Variants in CATSPERD observed in about 807,000 individuals in gnomAD.
CATSPERD encodes cation channel sperm-associated auxiliary subunit delta.
A neutral mutation model predicts 98.1 loss-of-function variants in CATSPERD; 86 were observed. The observed-to-expected ratio is 0.88, with a 90% CI of 0.74 to 1.05. CATSPERD has a LOEUF of 1.05. Among genes scored for constraint, CATSPERD ranks in the 50% least tolerant of loss-of-function variants. The pLI, the probability that CATSPERD is intolerant of heterozygous loss-of-function variation, is 0.00. For missense variants in CATSPERD, 995 were observed against 1,005.7 expected, an observed-to-expected ratio of 0.99 and a Z score of 0.14; for synonymous variants, 394 against 390.2, an observed-to-expected ratio of 1.01 and a Z score of -0.12.
chr19:5,769,293 CAA>C lies in CATSPERD; in HGVS notation c.1634+1071_1634+1072del, dbSNP rs35536683. On this transcript the variant is annotated intron_variant, in intron 18 of 21. Coordinates refer to ENST00000381624, the MANE Select transcript of CATSPERD (RefSeq NM_152784.4). ...GAGACCAGCCTGGGCAACCTAGAGA[CAA>C]AAAAAAAAAAAAAAAAAAAGAGGGT... Among the ~76,000 whole-genome samples, 20 of 45,070 alleles carry C rather than the reference CAA, an allele frequency of 4.4e-4. 1 individual carries two copies. The highest frequency in any genetic ancestry group is 5.1e-4 in the Non-Finnish European group (11 of 21,774). The allele number at this position is 45,070 out of a possible 152,430, so 29.6% of individuals were successfully genotyped here. A position where few individuals can be genotyped will look rare whatever the true frequency, so the allele number is the denominator to read the frequency against.
intron 8 of CATSPERD, among the ~76,000 whole-genome samples, 185 bp downstream of exon 8, chr19:5,744,695 A>T (rs2145752332): frequency 6.6e-6 from 1 of 151,408 alleles, no homozygotes. Flanking sequence ...CCACCTTTCA[A>T]CTTCAAGCAA....
chr19:5,770,964 T>C lies in CATSPERD; in HGVS notation c.1655T>C (p.Phe552Ser). Residue 552 changes from phenylalanine to serine, a missense_variant, in exon 19 of 22, where the codon TTC (phenylalanine) becomes TCC (serine). Phe to Ser is a radical substitution (Grantham distance 155). Around this residue, in one of 3 missense-constraint regions of CATSPERD, gnomAD observed 762 missense variants for 773.7 expected, o/e 0.98. Coordinates refer to ENST00000381624, the MANE Select transcript of CATSPERD (RefSeq NM_152784.4). ...TGAAGGGAATTCTACGACCCCGGCT[T>C]CCAGGGGCAGCAGTCCTCCGAGGAC... ...IIEKEFYDPGFQGQQSSEDLH... is the reference protein window; with the variant it reads ...IIEKEFYDPGSQGQQSSEDLH... The C allele has an allele frequency of 6.2e-7, 1 of 1,611,552 alleles. No individual in the cohort carries two copies. The highest frequency in any genetic ancestry group is 8.5e-7 in the Non-Finnish European group (1 of 1,179,056).
At position 5,778,660 on chromosome 19, in the gene CATSPERD, G is replaced by A. The variant is rs2056776367; in HGVS notation, c.2381G>A (p.Gly794Asp). 2 of 1,612,874 alleles carry A rather than the reference G, an allele frequency of 1.2e-6. No individual in the cohort carries two copies. The highest frequency in any genetic ancestry group is 3.3e-5 in the Admixed American group (2 of 59,972). Residue 794 changes from glycine (G) to aspartate (D), a missense_variant, in exon 22 of 22, where the codon GGC (glycine) becomes GAC (aspartate). By Grantham distance (94) the Gly-to-Asp change is moderately conservative. This residue lies in a region of CATSPERD where 762 missense variants were observed against 773.7 expected (regional missense o/e 0.98). Coordinates refer to ENST00000381624, the MANE Select transcript of CATSPERD (RefSeq NM_152784.4). ...PPGRHRTPHGGRSDH is the reference protein window; with the variant it reads ...PPGRHRTPHGDRSDH Reference sequence around the variant, plus strand: ...GGACGCCACCGCACTCCTCACGGAGGCAGGTCTGACCACTGAGGCCGGTCC... The same window carrying A: ...GGACGCCACCGCACTCCTCACGGAGACAGGTCTGACCACTGAGGCCGGTCC...
At position 5,764,058 on chromosome 19, in the gene CATSPERD, A is replaced by C. The variant is rs567404563; in HGVS notation, c.1506+765A>C. On this transcript the variant is annotated intron_variant, in intron 16 of 21. Transcript: ENST00000381624. ...GAAACTGGGTTTTACCATGTTGGCC[A>C]GGCTGGTCTTGAACTCCTGACCTTA... Among the ~76,000 whole-genome samples the C allele has an allele frequency of 2.0e-5, 3 of 151,634 alleles. No individual in the cohort carries two copies. The South Asian group carries it at 6.3e-4, about 32-fold the overall frequency.
In CATSPERD at chr19:5,763,293, G is replaced by A; in HGVS notation, c.1506G>A (p.Leu502=). The change falls in exon 16 of 22, where the codon CTG becomes CTA. Residue 502 remains leucine, a splice_region_variant and synonymous_variant. Coordinates refer to ENST00000381624, the MANE Select transcript of CATSPERD (RefSeq NM_152784.4). Reference sequence around the variant, plus strand: ...TTTCATGTGTGGATATCAAGCCACTGGTAGGTCCCAAATCTTTGCTGTCCC... The same window carrying A: ...TTTCATGTGTGGATATCAAGCCACTAGTAGGTCCCAAATCTTTGCTGTCCC... ...KEISCVDIKP[L]STLISVGCDL... 6.2e-7 allele frequency: 1 copy of A among 1,612,376 alleles called. No homozygotes were observed. Among genetic ancestry groups the A allele is most frequent in the Non-Finnish European group, 8.5e-7 (1 of 1,178,436 alleles).
rs747214405 is a variant in CATSPERD at position 5,733,911 on chromosome 19, T to C, written c.332T>C (p.Val111Ala). 1.2e-6 allele frequency: 2 copies of C among 1,612,896 alleles called. No individual in the cohort carries two copies. The highest frequency in any genetic ancestry group is 1.7e-6 in the Non-Finnish European group (2 of 1,179,678). The part of the protein sequence containing the change: ...AHFAGSLLLL[V>A]VDQKVYIYDY... The stretch of plus-strand genomic sequence containing the variant: ...TTTGCTGGTTCGTTATTGCTGTTAG[T>C]AGTGGATCAAAAAGTCTATATTTAT... Residue 111 changes from valine to alanine, a missense_variant, in exon 5 of 22, where the codon GTA (valine) becomes GCA (alanine). Transcript: ENST00000381624.
In CATSPERD at chr19:5,754,208, C is replaced by A. The variant is rs763844202; in HGVS notation, c.1241C>A (p.Ser414Ter). 1.2e-6 allele frequency: 2 copies of A among 1,613,688 alleles called. No homozygotes were observed. Among genetic ancestry groups the A allele is most frequent in the African/African-American group, 1.3e-5 (1 of 74,906 alleles). The change falls in exon 13 of 22, where the codon TCG becomes TAG. Residue 414 changes from serine to a stop codon, truncating the protein, a stop_gained. Coordinates refer to ENST00000381624, the MANE Select transcript of CATSPERD (RefSeq NM_152784.4). LOFTEE classifies it high-confidence loss of function. ...CACAGCCAGCTGGAATTGACTGCTT[C>A]GTTGATACCCCAGCCAGGCACATCC... Reference protein sequence around the residue: ...DMHSQLELTASLIPQPGTSLI... With the variant: ...DMHSQLELTA
At chr19:5,723,054 G>T (rs2055526881) in intron 1 of CATSPERD, among the ~76,000 whole-genome samples, 1 of 151,566 alleles carries the variant, frequency 6.6e-6, no homozygotes, top group African/African-American at 2.4e-5. Context: ...CGGTGTGGTG[G>T]CGGGCGCTTG....
At chr19:5,758,234 C>T (rs1403521622) in intron 14 of CATSPERD, among the ~76,000 whole-genome samples, 1 of 152,044 alleles carries the variant, frequency 6.6e-6, no homozygotes, top group African/African-American at 2.4e-5. Context: ...TTCCACAGGG[C>T]AGGGGCCTGA....
At chr19:5,738,469 T>C (rs1196654886) in intron 6 of CATSPERD, among the ~76,000 whole-genome samples, 1 of 151,550 alleles carries the variant, frequency 6.6e-6, no homozygotes, top group African/African-American at 2.4e-5. Flanking sequence ...AAGGCGCAGG[T>C]TATAGTGAGC....
intron 1 of CATSPERD, 77 bp from the exon 2 acceptor site, chr19:5,724,731 C>T (rs2055570598): frequency 1.4e-6 from 2 of 1,432,268 alleles, no homozygotes; most frequent in East Asian, 2.3e-5. Context: ...TAGGGTTAAC[C>T]CTGAGTTGGC....
At chr19:5,776,986 C>A (rs1031606273) in intron 21 of CATSPERD, among the ~76,000 whole-genome samples, 1 of 152,088 alleles carries the variant, frequency 6.6e-6, no homozygotes, top group Admixed American at 6.6e-5. Flanking sequence ...CAGACACTAC[C>A]CAGGAGGCCT....
chr19:5,770,834 C>T, intron 18 of CATSPERD, 110 bp from the exon 19 acceptor site: 3 of 1,294,990 alleles, frequency 2.3e-6, no homozygotes, highest in Non-Finnish European at 3.2e-6. Context: ...CACCTCCTGC[C>T]ACTCTCATGG....
chr19:5,734,271 G>A (rs1051582724), intron 5 of CATSPERD, among the ~76,000 whole-genome samples: 19 of 152,172 alleles, frequency 1.2e-4, no homozygotes, highest in Non-Finnish European at 2.5e-4. Flanking sequence ...GGGAGTCTGC[G>A]GTAGGCAGAT....
intron 2 of CATSPERD, among the ~76,000 whole-genome samples, chr19:5,726,532 C>A (rs2055607042): frequency 6.6e-6 from 1 of 152,018 alleles, no homozygotes; most frequent in Non-Finnish European, 1.5e-5. Flanking sequence ...CAGGCATGCA[C>A]TACCATGCCC....
chr19:5,767,632 G>A (rs1478044210), intron 17 of CATSPERD, among the ~76,000 whole-genome samples: 11 of 148,692 alleles, frequency 7.4e-5, no homozygotes, highest in Admixed American at 2.7e-4. Flanking sequence ...GACTACAGGC[G>A]CCCGCCACCA....
intron 6 of CATSPERD, among the ~76,000 whole-genome samples, chr19:5,737,692 T>C (rs925167549): frequency 6.7e-5 from 10 of 149,452 alleles, no homozygotes; most frequent in African/African-American, 2.5e-4. Flanking sequence ...CTACTAAAAA[T>C]ACAAAAAATT....
chr19:5,725,127 G>T (rs75136459), intron 2 of CATSPERD, among the ~76,000 whole-genome samples: 2,047 of 152,234 alleles, frequency 0.013, 24 homozygotes, highest in Non-Finnish European at 0.019. Flanking sequence ...TTTTTATCGA[G>T]TGTTCTGTTT....
At chr19:5,771,599 T>C (rs1243020752) in intron 19 of CATSPERD, among the ~76,000 whole-genome samples, 16 of 151,176 alleles carry the variant, frequency 1.1e-4, no homozygotes, top group East Asian at 3.9e-4. Context: ...TTTTTTTTTT[T>C]CCACTCTGTC....
Sources: gnomAD v4.1 joint callset for allele counts (sites outside exome capture counted in the v4.1 genomes callset) on GRCh38, gnomAD v4.1.1 for gene constraint, gnomAD v4.1.1 regional missense constraint, MANE v1.5 for transcripts, NCBI Gene and HGNC (gene_info 2026-07-23, HGNC 2026-07-21) for gene names.